Variants in NXPE4 observed in about 807,000 individuals in gnomAD.
NXPE4 encodes NXPE family member 4.
In NXPE4, 42 loss-of-function variants were observed where a neutral mutation model predicts 33.3. That is an observed-to-expected ratio of 1.26 (90% confidence interval 0.98 to 1.63). The LOEUF (loss-of-function observed/expected upper bound fraction) is 1.63, where lower values mean the gene tolerates loss of function less well. Among genes scored for constraint, NXPE4 ranks in the 40% most tolerant of loss-of-function variants. NXPE4 has a pLI of 0.00. For missense variants in NXPE4, 709 were observed against 647.6 expected (o/e 1.09, Z -1.03); for synonymous variants, 253 against 234.9 (o/e 1.08, Z -0.71).
chr11:114,607,437 G>A, the NXPE4 span, among the ~76,000 whole-genome samples: 2 of 151,866 alleles, frequency 1.3e-5, no homozygotes, highest in Admixed American at 6.6e-5. Flanking sequence ...TTCCTCGTGG[G>A]AAACCACTGT....
intron 2 of NXPE4, among the ~76,000 whole-genome samples, chr11:114,588,370 C>T (rs1416995614): frequency 1.3e-5 from 2 of 152,080 alleles, no homozygotes; most frequent in Non-Finnish European, 2.9e-5. Context: ...TTCTGATGAC[C>T]CTGATAAGTA....
At chr11:114,650,272 G>A in the NXPE4 span, among the ~76,000 whole-genome samples, 12 of 152,154 alleles carry the variant, frequency 7.9e-5, no homozygotes, top group Non-Finnish European at 1.8e-4. Context: ...GAAGAATCCT[G>A]CAAGAATAAA....
At chr11:114,626,094 G>A in the NXPE4 span, among the ~76,000 whole-genome samples, 1 of 152,186 alleles carries the variant, frequency 6.6e-6, no homozygotes, top group Non-Finnish European at 1.5e-5. Context: ...CAGCGAGGCT[G>A]GGAGAGGGGC....
chr11:114,618,797 A>G, the NXPE4 span, among the ~76,000 whole-genome samples: 23 of 151,904 alleles, frequency 1.5e-4, no homozygotes, highest in Admixed American at 1.5e-3. Context: ...CTCGTGGGAA[A>G]CCAGTGTTAC....
Position 114,581,803 on chromosome 11 carries a change from C to G in NXPE4, c.831-17G>C, listed in dbSNP as rs772423407. Reference sequence around the variant, plus strand: ...ACATTTGACCTTAAAGACACAAATACAGAAATTAATCTGTAGGTGGCCTCA... The same window carrying G: ...ACATTTGACCTTAAAGACACAAATAGAGAAATTAATCTGTAGGTGGCCTCA... On this transcript the variant is annotated splice_polypyrimidine_tract_variant and intron_variant, in intron 3 of 5. Coordinates refer to ENST00000375478, the MANE Select transcript of NXPE4 (RefSeq NM_001077639.2). The G allele has an allele frequency of 6.3e-6, 10 of 1,579,006 alleles. No homozygotes were observed. The highest frequency in any genetic ancestry group is 8.7e-6 in the Non-Finnish European group (10 of 1,153,680).
the NXPE4 span, among the ~76,000 whole-genome samples, chr11:114,663,709 T>TCTATCTATCTAC: frequency 6.6e-6 from 1 of 151,218 alleles, no homozygotes; most frequent in South Asian, 2.1e-4. Context: ...TATCTATCTA[T>TCTATCTATCTAC]CTATCTGATC....
intron 4 of NXPE4, among the ~76,000 whole-genome samples, chr11:114,580,673 A>G (rs1363100060): frequency 6.6e-6 from 1 of 152,204 alleles, no homozygotes; most frequent in Non-Finnish European, 1.5e-5. Context: ...TGGAAGCTCA[A>G]TTATCCTATC....
chr11:114,607,536 C>A, the NXPE4 span, among the ~76,000 whole-genome samples: 1 of 151,774 alleles, frequency 6.6e-6, no homozygotes, highest in African/African-American at 2.4e-5. Context: ...CACTGTTACC[C>A]GGTAGATAAT....
chr11:114,611,851 A>T, the NXPE4 span, among the ~76,000 whole-genome samples: 1 of 151,926 alleles, frequency 6.6e-6, no homozygotes, highest in South Asian at 2.1e-4. Flanking sequence ...CCTCATGGGA[A>T]ACCACTGTTA....
At chr11:114,624,111 G>A in the NXPE4 span, among the ~76,000 whole-genome samples, 3 of 151,984 alleles carry the variant, frequency 2.0e-5, no homozygotes, top group Non-Finnish European at 4.4e-5. Context: ...TTTATGTCGT[G>A]GGTAACCACT....
At chr11:114,655,955 G>GCGTATTCA in the NXPE4 span, among the ~76,000 whole-genome samples, 1 of 152,136 alleles carries the variant, frequency 6.6e-6, no homozygotes, top group Admixed American at 6.6e-5. Context: ...AAGAAATAAA[G>GCGTATTCA]CGTATTCACA....
chr11:114,632,764 T>TTATTAATTA, the NXPE4 span, among the ~76,000 whole-genome samples: 1 of 8,468 alleles, frequency 1.2e-4, no homozygotes, highest in Non-Finnish European at 1.9e-4. Context: ...ATATCATATA[T>TTATTAATTA]TATATAATTA....
chr11:114,660,919 GT>G, the NXPE4 span, among the ~76,000 whole-genome samples: 190 of 151,996 alleles, frequency 1.3e-3, no homozygotes, highest in African/African-American at 4.3e-3. Flanking sequence ...TTAATATAAA[GT>G]TTTTTTTAGG....
At chr11:114,625,145 A>G in the NXPE4 span, among the ~76,000 whole-genome samples, 1 of 152,244 alleles carries the variant, frequency 6.6e-6, no homozygotes, top group East Asian at 1.9e-4. Flanking sequence ...ACTGGATAAT[A>G]AGTATTGCCT....
the NXPE4 span, among the ~76,000 whole-genome samples, chr11:114,619,447 A>G: frequency 6.7e-6 from 1 of 150,292 alleles, no homozygotes; most frequent in African/African-American, 2.4e-5. Flanking sequence ...CCCGGTGGAG[A>G]ATAAGTGTTG....
chr11:114,657,351 T>A, the NXPE4 span, among the ~76,000 whole-genome samples: 1 of 152,192 alleles, frequency 6.6e-6, no homozygotes, highest in Admixed American at 6.5e-5. Context: ...AAAGATTACA[T>A]CTTTATTTTT....
chr11:114,595,859 G>A (rs112331770), upstream of NXPE4: 4 of 152,410 alleles, frequency 2.6e-5, no homozygotes, highest in African/African-American at 9.6e-5. Context: ...AGCAGAGGTA[G>A]GAAGGAGAAA....
chr11:114,583,001 T>C lies in NXPE4; in HGVS notation c.117A>G (p.Leu39=), dbSNP rs568501282. 439 of 1,612,602 alleles carry C rather than the reference T, an allele frequency of 2.7e-4. 3 individuals are homozygous for C. In the South Asian group the frequency reaches 3.8e-3, roughly 14 times the overall value. Reference sequence around the variant, plus strand: ...TGTTCCAGTAATGGAGGGAGATGGATAAGTTTAGAGCAGACCAAACCTGAA... The same window carrying C: ...TGTTCCAGTAATGGAGGGAGATGGACAAGTTTAGAGCAGACCAAACCTGAA... ...NSTKVWSALN[L]SISLHYWNNS... is the part of the protein sequence containing the mutation. Residue 39 remains leucine, a synonymous_variant, in exon 3 of 6, where the codon TTA becomes TTG. Transcript: ENST00000375478.
the NXPE4 span, among the ~76,000 whole-genome samples, chr11:114,642,187 A>G: frequency 5.3e-5 from 8 of 151,978 alleles, no homozygotes; most frequent in East Asian, 1.5e-3. Context: ...TGTGATGAAA[A>G]TGGCATTTTA....
Sources: gnomAD v4.1 joint callset for allele counts (sites outside exome capture counted in the v4.1 genomes callset) on GRCh38, gnomAD v4.1.1 for gene constraint, MANE v1.5 for transcripts, NCBI Gene and HGNC (gene_info 2026-07-23, HGNC 2026-07-21) for gene names.